Variants in ACOXL observed in about 807,000 individuals in gnomAD.
The protein encoded by ACOXL is acyl-CoA oxidase like, also known as acyl-coenzyme A oxidase-like protein.
ACOXL carries 70 observed loss-of-function variants against 71.9 expected under a neutral mutation model. The ratio of observed to expected loss-of-function variants is 0.97; its 90% CI spans 0.80 to 1.19. The LOEUF is 1.19. Among genes scored for constraint, ACOXL ranks in the 50% most tolerant of loss-of-function variants. ACOXL has a pLI of 0.00. For synonymous variants in ACOXL, 253 were observed against 281.6 expected (o/e 0.90, Z 1.02); for missense variants, 703 against 736.3 (o/e 0.95, Z 0.52).
At chr2:110,793,546 AG>A (rs1196282048) in intron 3 of ACOXL, 103 bp from the exon 4 acceptor site, 3 of 1,045,826 alleles carry the variant, frequency 2.9e-6, no homozygotes, top group East Asian at 4.7e-5. Flanking sequence ...GGTCAAGCAC[AG>A]GGGGCTGAAT....
chr2:110,949,281 C>T (rs544543985), intron 12 of ACOXL, among the ~76,000 whole-genome samples: 1 of 152,202 alleles, frequency 6.6e-6, no homozygotes, highest in South Asian at 2.1e-4. Context: ...GTAAGGCCCC[C>T]TAGTAGAAGG....
intron 12 of ACOXL, among the ~76,000 whole-genome samples, chr2:110,973,725 G>A (rs944629227): frequency 1.3e-5 from 2 of 152,214 alleles, no homozygotes; most frequent in Non-Finnish European, 2.9e-5. Context: ...CAAGGATTGA[G>A]AGCAGGAGAG....
At chr2:110,767,315 C>A (rs546625412) in intron 1 of ACOXL, among the ~76,000 whole-genome samples, 30 of 152,242 alleles carry the variant, frequency 2.0e-4, no homozygotes, top group Admixed American at 5.9e-4. Context: ...GGAGAAAACA[C>A]CTGAGAAGCG....
intron 1 of ACOXL, among the ~76,000 whole-genome samples, chr2:110,738,016 C>T (rs1479409178): frequency 6.6e-5 from 10 of 152,220 alleles, no homozygotes. Flanking sequence ...GACAGTGTGA[C>T]AGTTTCCAGG....
chr2:110,885,884 A>T (rs183619475), intron 10 of ACOXL, among the ~76,000 whole-genome samples: 13 of 152,324 alleles, frequency 8.5e-5, no homozygotes, highest in Non-Finnish European at 1.5e-4. Flanking sequence ...TGTTGTTAGT[A>T]TATCTGAGTG....
At chr2:111,052,307 G>A (rs2066329248) in intron 16 of ACOXL, among the ~76,000 whole-genome samples, 1 of 152,148 alleles carries the variant, frequency 6.6e-6, no homozygotes, top group Non-Finnish European at 1.5e-5. Flanking sequence ...TCAGCACCAT[G>A]AGAGCACACA....
chr2:110,980,311 C>T (rs1490069145), intron 12 of ACOXL, among the ~76,000 whole-genome samples: 1 of 152,248 alleles, frequency 6.6e-6, no homozygotes, highest in Non-Finnish European at 1.5e-5. Flanking sequence ...GTTTGGTTGC[C>T]AGACACCAGG....
intron 14 of ACOXL, among the ~76,000 whole-genome samples, chr2:111,002,212 C>G (rs891125996): frequency 1.3e-5 from 2 of 152,172 alleles, no homozygotes; most frequent in Non-Finnish European, 2.9e-5. Context: ...AACCATGCAA[C>G]CAAGATATGC....
At chr2:110,985,510 A>T (rs147614764) in intron 12 of ACOXL, among the ~76,000 whole-genome samples, 57 of 152,340 alleles carry the variant, frequency 3.7e-4, no homozygotes, top group African/African-American at 1.3e-3. Context: ...AGTAAACATG[A>T]TCACAGCAAG....
intron 10 of ACOXL, among the ~76,000 whole-genome samples, chr2:110,903,400 G>A (rs1422553882): frequency 1.3e-5 from 2 of 152,198 alleles, no homozygotes. Flanking sequence ...AGGAGTTGCT[G>A]GAATCTAGAA....
At chr2:110,885,103 A>G (rs747810031) in intron 10 of ACOXL, among the ~76,000 whole-genome samples, 5 of 152,240 alleles carry the variant, frequency 3.3e-5, no homozygotes, top group Non-Finnish European at 7.3e-5. Flanking sequence ...TGTGGTCTGT[A>G]TATGAGTGCG....
intron 12 of ACOXL, among the ~76,000 whole-genome samples, chr2:110,959,553 T>A (rs557675312): frequency 6.6e-6 from 1 of 152,276 alleles, no homozygotes; most frequent in African/African-American, 2.4e-5. Context: ...ACCTGGGCTA[T>A]TTTTCTGTGC....
chr2:111,096,897 G>GT (rs900104579), intron 17 of ACOXL, among the ~76,000 whole-genome samples: 1 of 152,148 alleles, frequency 6.6e-6, no homozygotes, highest in Non-Finnish European at 1.5e-5. Context: ...GGGTAGCAAT[G>GT]TTTTTACCCT....
chr2:110,892,931 C>T (rs1322892611), intron 10 of ACOXL, among the ~76,000 whole-genome samples: 1 of 152,200 alleles, frequency 6.6e-6, no homozygotes, highest in African/African-American at 2.4e-5. Flanking sequence ...CCTAGTGGCA[C>T]TTGCTGCAGT....
intron 10 of ACOXL, 150 bp from the exon 11 acceptor site, chr2:110,908,639 T>C (rs2059543543): frequency 1.6e-6 from 1 of 640,714 alleles, no homozygotes; most frequent in South Asian, 2.0e-5. Flanking sequence ...ACTTAGGCTG[T>C]CTTGCCCTAA....
chr2:110,805,863 C>G (rs1195892965), intron 9 of ACOXL, among the ~76,000 whole-genome samples: 2 of 152,204 alleles, frequency 1.3e-5, no homozygotes, highest in Non-Finnish European at 2.9e-5. Context: ...GCCATCTCTG[C>G]CTCCCTGCCC....
chr2:110,988,932 G>C (rs532949100), intron 13 of ACOXL, among the ~76,000 whole-genome samples: 1 of 145,918 alleles, frequency 6.9e-6, no homozygotes, highest in Non-Finnish European at 1.5e-5. Context: ...TTTATCCTTT[G>C]TTGTTACAAA....
At chr2:110,995,856 C>A in intron 13 of ACOXL, 37 bp from the exon 14 acceptor site, 1 of 1,549,632 alleles carries the variant, frequency 6.5e-7, no homozygotes, top group Non-Finnish European at 8.9e-7. Context: ...TTGGTGAGGC[C>A]AAAATAATAA....
intron 16 of ACOXL, among the ~76,000 whole-genome samples, chr2:111,050,204 G>A (rs1314707941): frequency 6.6e-6 from 1 of 152,020 alleles, no homozygotes; most frequent in East Asian, 1.9e-4. Context: ...AAAAAAAATA[G>A]GGTGTCACTC....
Sources: allele counts gnomAD v4.1 joint callset (sites outside exome capture counted in the v4.1 genomes callset), GRCh38; gene constraint gnomAD v4.1.1; transcripts MANE v1.5; gene names NCBI Gene and HGNC (gene_info 2026-07-23, HGNC 2026-07-21).